The following GHR variants were observed in gnomAD, a reference collection of about 807,000 sequenced individuals.
The protein encoded by GHR is growth hormone receptor.
Under a neutral mutation model 67.1 loss-of-function variants are expected in GHR, and 35 were observed. The ratio of observed to expected loss-of-function variants is 0.52; its 90% CI spans 0.40 to 0.69. The LOEUF is 0.69. GHR is among the 30% of genes least tolerant of loss of function. The pLI, the probability that GHR is intolerant of heterozygous loss-of-function variation, is 0.00. For missense variants in GHR, 792 were observed against 764.6 expected, an observed-to-expected ratio of 1.04 and a Z score of -0.42; for synonymous variants, 272 against 269.1, an observed-to-expected ratio of 1.01 and a Z score of -0.10.
At chr5:42,624,425 G>A (rs1176526917) in intron 2 of GHR, among the ~76,000 whole-genome samples, 1 of 152,114 alleles carries the variant, frequency 6.6e-6, no homozygotes, top group African/African-American at 2.4e-5. Flanking sequence ...TGAAAATTGA[G>A]ACAAACTTCC....
chr5:42,588,684 CT>C (rs1021010054), intron 2 of GHR, among the ~76,000 whole-genome samples: 5 of 152,082 alleles, frequency 3.3e-5, no homozygotes, highest in African/African-American at 1.2e-4. Flanking sequence ...AAATTCTGCC[CT>C]TTTTTTCCTC....
At chr5:42,506,822 T>G (rs567714624) in intron 1 of GHR, among the ~76,000 whole-genome samples, 97 of 152,172 alleles carry the variant, frequency 6.4e-4, no homozygotes, top group Non-Finnish European at 1.2e-3. Flanking sequence ...TCTCAGACTT[T>G]CAAAATCCTG....
chr5:42,482,677 G>T (rs554230661), intron 1 of GHR, among the ~76,000 whole-genome samples: 20 of 152,272 alleles, frequency 1.3e-4, no homozygotes, highest in Admixed American at 1.0e-3. Context: ...AGGACCCTCC[G>T]AGCCAGGTGC....
chr5:42,582,961 G>T (rs935773684), intron 2 of GHR, among the ~76,000 whole-genome samples: 4 of 152,154 alleles, frequency 2.6e-5, no homozygotes, highest in Non-Finnish European at 4.4e-5. Flanking sequence ...ATTGCTCCAC[G>T]CCTGGCTTGC....
At chr5:42,435,450 G>T (rs1404971420) in intron 1 of GHR, among the ~76,000 whole-genome samples, 1 of 152,210 alleles carries the variant, frequency 6.6e-6, no homozygotes, top group Non-Finnish European at 1.5e-5. Flanking sequence ...AGCGATGAGA[G>T]AGCCTACTTA....
rs1354125861 is a variant in GHR, at chr5:42,689,003, C to G, written c.250C>G (p.Leu84Val). ...TACAAAGAACCTAGGACCCATACAGCTGTTCTATACCAGAAGGTGCCACCA... is the reference window on the plus strand; with the variant it reads ...TACAAAGAACCTAGGACCCATACAGGTGTTCTATACCAGAAGGTGCCACCA... ...HGTKNLGPIQ[L>V]FYTRRNTQEW... is the part of the protein sequence containing the mutation. The change falls in exon 4 of 10, where the codon CTG becomes GTG. Residue 84 changes from leucine to valine, a missense_variant. Leu to Val is a conservative substitution (Grantham distance 32). Coordinates refer to ENST00000230882, the MANE Select transcript of GHR (RefSeq NM_000163.5). 6.2e-7 allele frequency: 1 copy of G among 1,613,736 alleles called. No homozygotes were observed. The highest frequency in any genetic ancestry group is 2.2e-5 in the East Asian group (1 of 44,876).
At chr5:42,439,259 C>T (rs1339125717) in intron 1 of GHR, among the ~76,000 whole-genome samples, 2 of 152,176 alleles carry the variant, frequency 1.3e-5, no homozygotes, top group African/African-American at 2.4e-5. Flanking sequence ...AAGAAATCCT[C>T]ATGGGAAAAC....
intron 3 of GHR, among the ~76,000 whole-genome samples, chr5:42,639,207 C>T (rs1052352140): frequency 2.0e-5 from 3 of 152,146 alleles, no homozygotes; most frequent in African/African-American, 7.2e-5. Flanking sequence ...CACCATACAG[C>T]TCCAGTTTGA....
intron 2 of GHR, among the ~76,000 whole-genome samples, chr5:42,574,096 A>G (rs1361938604): frequency 6.6e-6 from 1 of 152,224 alleles, no homozygotes; most frequent in Admixed American, 6.5e-5. Context: ...CTTCTCCTCT[A>G]CATGCCACTG....
chr5:42,579,074 TATAGATAGATAGATAG>T lies in GHR; in HGVS notation c.70+13181_70+13196del, dbSNP rs6149005. Among the ~76,000 whole-genome samples the T allele has an allele frequency of 4.5e-3, 558 of 123,744 alleles. 1 individual carries two copies. The highest frequency in any genetic ancestry group is 9.3e-3 in the African/African-American group (308 of 32,980). 81.2% of individuals were successfully genotyped at this position (123,744 alleles called of 152,430 possible). ...CTGTTTTAAACTCTAAATCTGACACTATAGATAGATAGATAGATAGATAGATAGATAGATAGATAGA... is the reference window on the plus strand; with the variant it reads ...CTGTTTTAAACTCTAAATCTGACACTATAGATAGATAGATAGATAGATAGA... On this transcript the variant is annotated intron_variant, in intron 2 of 9. Coordinates refer to ENST00000230882, the MANE Select transcript of GHR (RefSeq NM_000163.5).
chr5:42,460,012 G>A (rs552598102), intron 1 of GHR, among the ~76,000 whole-genome samples: 1 of 152,294 alleles, frequency 6.6e-6, no homozygotes, highest in South Asian at 2.1e-4. Context: ...TGAGATTAGG[G>A]CCTGTGAGGA....
At chr5:42,470,196 T>TATATCTATAACATAATATATTATA (rs1561322644) in intron 1 of GHR, among the ~76,000 whole-genome samples, 1 of 147,388 alleles carries the variant, frequency 6.8e-6, no homozygotes, top group Non-Finnish European at 1.5e-5. Flanking sequence ...ACTATTATAT[T>TATATCTATAACATAATATATTATA]ATATCTATAA....
At chr5:42,582,472 C>T (rs1751230377) in intron 2 of GHR, among the ~76,000 whole-genome samples, 1 of 152,244 alleles carries the variant, frequency 6.6e-6, no homozygotes, top group South Asian at 2.1e-4. Context: ...CTACCCACTT[C>T]AGGTCTCCTG....
intron 2 of GHR, among the ~76,000 whole-genome samples, chr5:42,586,167 T>C (rs1448622534): frequency 1.3e-5 from 2 of 152,152 alleles, no homozygotes; most frequent in Admixed American, 6.5e-5. Context: ...TTCAGATATA[T>C]GTTTTCCTTT....
intron 2 of GHR, among the ~76,000 whole-genome samples, chr5:42,578,023 A>T (rs550861896): frequency 6.6e-6 from 1 of 152,336 alleles, no homozygotes; most frequent in Non-Finnish European, 1.5e-5. Context: ...AGTTTTCAGA[A>T]AGCAAGGGGC....
Position 42,719,955 on chromosome 5 carries a change from G to A in GHR, c.*531G>A, listed in dbSNP as rs1382234849. 8.4e-6 allele frequency: 1 copy of A among 118,686 alleles called. No homozygotes were observed. The highest frequency in any genetic ancestry group is 1.0e-4 in the Admixed American group (1 of 9,786). 7.4% of individuals were successfully genotyped at this position (118,686 alleles called of 1,614,324 possible). A position where few individuals can be genotyped will look rare whatever the true frequency, so the allele number is the denominator to read the frequency against. On this transcript the variant is annotated 3_prime_UTR_variant, in exon 10 of 10. Transcript: ENST00000230882. ...TGTAAAACATTTATTTTGACATAAA[G>A]TTGATAAAGATTTTTTAATAATTTA... is the stretch of plus-strand genomic sequence containing the variant.
At chr5:42,433,488 C>T (rs1270127521) in intron 1 of GHR, among the ~76,000 whole-genome samples, 1 of 151,850 alleles carries the variant, frequency 6.6e-6, no homozygotes, top group Non-Finnish European at 1.5e-5. Flanking sequence ...GTGCTAGACA[C>T]TAGGGAATTA....
chr5:42,625,341 TA>T lies in GHR; in HGVS notation c.71-3687del, dbSNP rs5867596. On this transcript the variant is annotated intron_variant, in intron 2 of 9. Transcript: ENST00000230882. ...AAAGTATTAATAATCTGAGAGTATG[TA>T]AAAAAAAAATTCATTTTCTCCTACT... Among the ~76,000 whole-genome samples, 67 of 151,004 alleles carry T rather than the reference TA, an allele frequency of 4.4e-4. No homozygotes were observed. The East Asian group carries it at 8.3e-3, about 19-fold the overall frequency.
chr5:42,559,349 T>G (rs1749476971), intron 1 of GHR, among the ~76,000 whole-genome samples: 1 of 152,116 alleles, frequency 6.6e-6, no homozygotes, highest in Non-Finnish European at 1.5e-5. Context: ...GAGACCAGCC[T>G]GGGCAACACA....
Sources: allele counts gnomAD v4.1 joint callset (sites outside exome capture counted in the v4.1 genomes callset), GRCh38; gene constraint gnomAD v4.1.1; transcripts MANE v1.5; gene names NCBI Gene and HGNC (gene_info 2026-07-23, HGNC 2026-07-21).